Variants in EDA2R observed in about 807,000 individuals in gnomAD.
EDA2R encodes tumor necrosis factor receptor superfamily member 27.
A neutral mutation model predicts 20.1 loss-of-function variants in EDA2R; 26 were observed. The observed-to-expected ratio is 1.30, with a 90% CI of 0.95 to 1.80. EDA2R has a LOEUF of 1.80. EDA2R is among the 40% of genes most tolerant of loss of function. The pLI is 0.00. For missense variants in EDA2R, 277 were observed against 228.7 expected (o/e 1.21, Z -1.36); for synonymous variants, 114 against 88.7 (o/e 1.29, Z -1.60).
intron 1 of EDA2R, among the ~76,000 whole-genome samples, chrX:66,622,255 G>C (rs947337536): frequency 3.6e-5 from 4 of 111,665 alleles, no homozygotes; most frequent in African/African-American, 1.3e-4. Context: ...GGGAAGAGGA[G>C]AAACAATACA....
chrX:66,603,949 A>G (rs1374356639), intron 4 of EDA2R, among the ~76,000 whole-genome samples: 1 of 112,379 alleles, frequency 8.9e-6, no homozygotes, highest in African/African-American at 3.2e-5. Flanking sequence ...ATAGGAAGTA[A>G]GTAAATAGAT....
Position 66,598,008 on chromosome X carries a change from C to T in EDA2R, c.*96G>A, listed in dbSNP as rs1339258298. On this transcript the variant is annotated 3_prime_UTR_variant, in exon 7 of 7. Coordinates refer to ENST00000374719, the MANE Select transcript of EDA2R (RefSeq NM_021783.5). ...GTAGGGTATTAGCTCTTGTGGACAT[C>T]ACATTTCAGGCCCCTGCTGCTGTTG... The T allele has an allele frequency of 1.0e-6, 1 of 964,706 alleles. No individual in the cohort carries two copies. The highest frequency in any genetic ancestry group is 3.0e-4 in the Middle Eastern group (1 of 3,345). 79.5% of individuals were successfully genotyped at this position (964,706 alleles called of 1,213,427 possible).
intron 2 of EDA2R, among the ~76,000 whole-genome samples, chrX:66,613,004 T>A (rs761189310): frequency 9.0e-6 from 1 of 111,425 alleles, no homozygotes; most frequent in African/African-American, 3.2e-5. Flanking sequence ...TGATCCAAAA[T>A]TTTGATGCTG....
At chrX:66,633,052 G>GAA (rs201963792) in intron 1 of EDA2R, among the ~76,000 whole-genome samples, 1 of 109,969 alleles carries the variant, frequency 9.1e-6, no homozygotes, top group Non-Finnish European at 1.9e-5. Context: ...GGAAGAAAAA[G>GAA]AAAAAAAAAT....
chrX:66,621,043 G>A (rs1932530037), intron 1 of EDA2R, among the ~76,000 whole-genome samples: 1 of 108,733 alleles, frequency 9.2e-6, no homozygotes, highest in African/African-American at 3.3e-5. Flanking sequence ...TTGGGAGGCC[G>A]AGGCAGGTGG....
chrX:66,605,311 A>T, intron 2 of EDA2R, 85 bp from the exon 3 acceptor site: 1 of 893,752 alleles, frequency 1.1e-6, no homozygotes. Context: ...TGTACAGGGT[A>T]GTATTTTGCA....
chrX:66,603,289 G>T (rs1928990769), intron 4 of EDA2R, among the ~76,000 whole-genome samples: 1 of 112,034 alleles, frequency 8.9e-6, no homozygotes, highest in Non-Finnish European at 1.9e-5. Flanking sequence ...AGCATATATT[G>T]GTTATGAATA....
At chrX:66,620,615 A>C (rs542772964) in intron 1 of EDA2R, among the ~76,000 whole-genome samples, 121 of 111,571 alleles carry the variant, frequency 1.1e-3, no homozygotes, top group Middle Eastern at 4.6e-3. Flanking sequence ...TAACAACAAA[A>C]GCACAAGCAA....
intron 2 of EDA2R, among the ~76,000 whole-genome samples, chrX:66,607,432 C>T (rs1193327697): frequency 9.0e-6 from 1 of 110,891 alleles, no homozygotes; most frequent in African/African-American, 3.3e-5. Context: ...GCCTAGGCAA[C>T]ACGGCAAAGC....
At chrX:66,619,922 C>T (rs1932321423) in intron 1 of EDA2R, among the ~76,000 whole-genome samples, 1 of 111,247 alleles carries the variant, frequency 9.0e-6, no homozygotes, top group Non-Finnish European at 1.9e-5. Context: ...TTACTGTGTA[C>T]ATGCCCATGT....
rs72627634 is a variant in EDA2R, at chrX:66,638,513, C to G, written c.-11+482G>C. Among the ~76,000 whole-genome samples the G allele has an allele frequency of 3.6e-3, 399 of 110,626 alleles. 6 individuals are homozygous for G. The East Asian group carries it at 0.077, about 21-fold the overall frequency. The stretch of plus-strand genomic sequence containing the variant: ...AGAGATCAAGTGAAACCAAGCTCGG[C>G]GGGTGAGGGGGTGGATTGAAAGCCC... On this transcript the variant is annotated intron_variant, in intron 1 of 6. Coordinates refer to ENST00000374719, the MANE Select transcript of EDA2R (RefSeq NM_021783.5).
intron 2 of EDA2R, among the ~76,000 whole-genome samples, chrX:66,612,059 C>T (rs1017844643): frequency 2.7e-5 from 3 of 111,902 alleles, no homozygotes; most frequent in Non-Finnish European, 5.7e-5. Flanking sequence ...AAACTGTCAA[C>T]TGCAAATTTA....
intron 5 of EDA2R, among the ~76,000 whole-genome samples, chrX:66,600,579 T>A (rs1403534708): frequency 8.9e-6 from 1 of 112,114 alleles, no homozygotes; most frequent in East Asian, 2.8e-4. Flanking sequence ...ATCTTAATTT[T>A]GGCATTGTGA....
intron 4 of EDA2R, among the ~76,000 whole-genome samples, chrX:66,603,979 C>T (rs1013716863): frequency 2.7e-5 from 3 of 111,746 alleles, no homozygotes; most frequent in African/African-American, 9.8e-5. Flanking sequence ...AAAAGATAGA[C>T]GATTAGATAA....
At chrX:66,628,623 C>G (rs1359087554) in intron 1 of EDA2R, among the ~76,000 whole-genome samples, 1 of 108,996 alleles carries the variant, frequency 9.2e-6, no homozygotes, top group African/African-American at 3.3e-5. Flanking sequence ...AATACACCCC[C>G]CCAGCTTAAA....
chrX:66,603,481 G>C (rs1222577782), intron 4 of EDA2R, among the ~76,000 whole-genome samples: 1 of 111,692 alleles, frequency 9.0e-6, no homozygotes, highest in African/African-American at 3.3e-5. Context: ...CTTCCAGACT[G>C]AGGCAGTTAA....
chrX:66,606,654 T>G (rs1929731882), intron 2 of EDA2R, among the ~76,000 whole-genome samples: 1 of 112,077 alleles, frequency 8.9e-6, no homozygotes, highest in Admixed American at 9.4e-5. Flanking sequence ...CACTTGAAAA[T>G]AATAGGAAAG....
chrX:66,618,592 A>T (rs1171320828), intron 1 of EDA2R, among the ~76,000 whole-genome samples: 1 of 112,281 alleles, frequency 8.9e-6, no homozygotes, highest in Non-Finnish European at 1.9e-5. Flanking sequence ...AGACCTATAA[A>T]GTTCCCAAGA....
At chrX:66,610,856 T>C (rs1930620140) in intron 2 of EDA2R, among the ~76,000 whole-genome samples, 1 of 111,253 alleles carries the variant, frequency 9.0e-6, no homozygotes, top group Non-Finnish European at 1.9e-5. Context: ...CTAGAGACAA[T>C]AGGCTGCAGG....
Sources: allele counts gnomAD v4.1 joint callset (sites outside exome capture counted in the v4.1 genomes callset), GRCh38; gene constraint gnomAD v4.1.1; transcripts MANE v1.5; gene names NCBI Gene and HGNC (gene_info 2026-07-23, HGNC 2026-07-21).